The following FSIP1 variants were observed in gnomAD, a reference collection of about 807,000 sequenced individuals.
FSIP1 encodes fibrous sheath-interacting protein 1.
In FSIP1, 65 loss-of-function variants were observed where a neutral mutation model predicts 60.9. That is an observed-to-expected ratio of 1.07 (90% CI 0.87 to 1.31). FSIP1 has a LOEUF of 1.31. Ranked by LOEUF, FSIP1 falls within the 40% of genes most tolerant of loss-of-function variation. The pLI, the probability that FSIP1 is intolerant of heterozygous loss-of-function variation, is 0.00. For synonymous variants in FSIP1, 209 were observed against 221.2 expected (o/e 0.94, Z 0.49); for missense variants, 675 against 665.5 (o/e 1.01, Z -0.16).
intron 2 of FSIP1, among the ~76,000 whole-genome samples, chr15:39,772,953 C>T (rs916447434): frequency 9.2e-5 from 14 of 151,976 alleles, no homozygotes; most frequent in African/African-American, 1.7e-4. Context: ...TCACAGGAAA[C>T]GCAAATACCT....
chr15:39,702,829 A>C (rs562342015), intron 10 of FSIP1, among the ~76,000 whole-genome samples: 6 of 152,082 alleles, frequency 3.9e-5, no homozygotes, highest in African/African-American at 1.2e-4. Context: ...CATGGCCTCT[A>C]CCAATGAACT....
chr15:39,742,039 C>A, intron 5 of FSIP1, 139 bp from the exon 6 acceptor site: 1 of 550,284 alleles, frequency 1.8e-6, no homozygotes. Flanking sequence ...TTTCTTAAGA[C>A]AATGTTAATG....
chr15:39,607,410 A>C (rs1890865758), intron 11 of FSIP1, among the ~76,000 whole-genome samples: 1 of 152,226 alleles, frequency 6.6e-6, no homozygotes, highest in African/African-American at 2.4e-5. Context: ...ATTTGTCAGA[A>C]TCTATCTCTC....
At chr15:39,724,159 C>T (rs1896094789) in intron 9 of FSIP1, among the ~76,000 whole-genome samples, 1 of 152,034 alleles carries the variant, frequency 6.6e-6, no homozygotes, top group African/African-American at 2.4e-5. Flanking sequence ...ACTGGTTTTC[C>T]CTTTCATTAT....
chr15:39,726,386 G>T (rs1896195586), intron 9 of FSIP1, among the ~76,000 whole-genome samples: 1 of 151,992 alleles, frequency 6.6e-6, no homozygotes. Flanking sequence ...AATATTAAAA[G>T]AAATATTTCC....
intron 11 of FSIP1, among the ~76,000 whole-genome samples, chr15:39,609,415 C>T (rs1890943992): frequency 6.6e-6 from 1 of 152,168 alleles, no homozygotes; most frequent in African/African-American, 2.4e-5. Context: ...ACCCCAGCAG[C>T]CAACTAGCCT....
intron 9 of FSIP1, among the ~76,000 whole-genome samples, chr15:39,721,383 T>C (rs765885956): frequency 2.6e-5 from 4 of 152,232 alleles, no homozygotes; most frequent in African/African-American, 4.8e-5. Context: ...CTTCATCAAA[T>C]AACCTTTCCT....
chr15:39,726,522 G>A lies in FSIP1; in HGVS notation c.1050+67C>T, dbSNP rs1030881231. 7.1e-6 allele frequency: 11 copies of A among 1,546,270 alleles called. No homozygotes were observed. In the African/African-American group the frequency reaches 1.1e-4, roughly 15 times the overall value. ...GGAAAAAGCAACTGGTTAACAACCA[G>A]ATTGTAAAATTATGTGAACAGCTTT... On this transcript the variant is annotated intron_variant, in intron 9 of 11. Transcript: ENST00000350221.
intron 8 of FSIP1, among the ~76,000 whole-genome samples, chr15:39,733,801 C>T (rs1208299277): frequency 6.6e-6 from 1 of 152,134 alleles, no homozygotes; most frequent in Non-Finnish European, 1.5e-5. Context: ...TAGCAGCAAT[C>T]TTGCAAACCT....
intron 10 of FSIP1, among the ~76,000 whole-genome samples, chr15:39,643,955 T>C (rs1046517528): frequency 2.0e-5 from 3 of 152,302 alleles, no homozygotes; most frequent in East Asian, 3.9e-4. Context: ...TAAATTAAAA[T>C]AACATCTGAA....
chr15:39,726,121 G>C (rs1395139922), intron 9 of FSIP1, among the ~76,000 whole-genome samples: 1 of 152,128 alleles, frequency 6.6e-6, no homozygotes, highest in African/African-American at 2.4e-5. Flanking sequence ...GAACTACTGA[G>C]AGAAGAAACA....
In FSIP1 at chr15:39,741,920, C is replaced by T. The variant is rs1364693188; in HGVS notation, c.560-20G>A. ...AAGGACCTGTTGATTTAAAAAATCA[C>T]TTGTTCAATGCTCACAAAATAAATT... On this transcript the variant is annotated intron_variant, in intron 5 of 11. Transcript: ENST00000350221. 3 of 1,280,276 alleles carry T rather than the reference C, an allele frequency of 2.3e-6. No homozygotes were observed. The highest frequency in any genetic ancestry group is 3.4e-5 in the Admixed American group (2 of 58,176). 79.3% of individuals were successfully genotyped at this position (1,280,276 alleles called of 1,614,324 possible). A position where few individuals can be genotyped will look rare whatever the true frequency, so the allele number is the denominator to read the frequency against.
chr15:39,759,483 C>T (rs764432011), intron 5 of FSIP1, among the ~76,000 whole-genome samples: 11 of 152,158 alleles, frequency 7.2e-5, no homozygotes, highest in African/African-American at 1.2e-4. Context: ...GGGTAAGAGT[C>T]TAAATTGATT....
chr15:39,718,346 T>C (rs966092452), intron 9 of FSIP1, among the ~76,000 whole-genome samples: 6 of 152,082 alleles, frequency 3.9e-5, no homozygotes, highest in Non-Finnish European at 7.4e-5. Flanking sequence ...ATATAGTCTG[T>C]GTGCGTATAG....
At position 39,739,754 on chromosome 15, in the gene FSIP1, T is replaced by G; in HGVS notation, c.691A>C (p.Ile231Leu). 1 of 1,588,094 alleles carries G rather than the reference T, an allele frequency of 6.3e-7. No individual in the cohort carries two copies. Among genetic ancestry groups the G allele is most frequent in the Non-Finnish European group, 8.5e-7 (1 of 1,171,580 alleles). Residue 231 changes from isoleucine to leucine, a missense_variant, in exon 7 of 12, where the codon ATC becomes CTC. Ile to Leu is a conservative substitution (Grantham distance 5). Coordinates refer to ENST00000350221, the MANE Select transcript of FSIP1 (RefSeq NM_152597.5). ...TCDVERNESLIKSGKKPFSNT... is the reference protein window; with the variant it reads ...TCDVERNESLLKSGKKPFSNT... Reference sequence around the variant, plus strand: ...GAGAAAGGTTTCTTTCCTGATTTGATCAATGACTCATTTCTTTCCACATCA... The same window carrying G: ...GAGAAAGGTTTCTTTCCTGATTTGAGCAATGACTCATTTCTTTCCACATCA...
Position 39,695,078 on chromosome 15 carries a change from G to A in FSIP1, c.1188+18366C>T, listed in dbSNP as rs187164308. Among the ~76,000 whole-genome samples the A allele has an allele frequency of 3.5e-3, 532 of 152,222 alleles. 3 individuals are homozygous for A. The highest frequency in any genetic ancestry group is 0.012 in the African/African-American group (508 of 41,538). ...TAGAGCTCTGTCTTGCTTTTATGTA[G>A]GTTGTACTTCCCTAACATTTGCATA... On this transcript the variant is annotated intron_variant, in intron 10 of 11. Coordinates refer to ENST00000350221, the MANE Select transcript of FSIP1 (RefSeq NM_152597.5).
intron 5 of FSIP1, among the ~76,000 whole-genome samples, chr15:39,748,195 C>T (rs745846767): frequency 6.6e-5 from 10 of 151,976 alleles, no homozygotes; most frequent in East Asian, 1.9e-4. Context: ...ACAAATAATA[C>T]GCATTTTCTA....
At chr15:39,658,766 G>A (rs765135324) in intron 10 of FSIP1, among the ~76,000 whole-genome samples, 3 of 152,112 alleles carry the variant, frequency 2.0e-5, no homozygotes, top group Non-Finnish European at 4.4e-5. Context: ...TCTTCAAAAA[G>A]CAAAACATTG....
At chr15:39,778,397 T>C (rs1374214587) in intron 1 of FSIP1, among the ~76,000 whole-genome samples, 1 of 152,224 alleles carries the variant, frequency 6.6e-6, no homozygotes, top group Admixed American at 6.5e-5. Flanking sequence ...AATAGGTCTG[T>C]TCTATTAGGT....
Sources: gnomAD v4.1 joint callset for allele counts (sites outside exome capture counted in the v4.1 genomes callset) on GRCh38, gnomAD v4.1.1 for gene constraint, MANE v1.5 for transcripts, NCBI Gene and HGNC (gene_info 2026-07-23, HGNC 2026-07-21) for gene names.